Variants in C20orf96 observed in about 807,000 individuals in gnomAD.
The protein encoded by C20orf96 is chromosome 20 open reading frame 96, also known as uncharacterized protein C20orf96.
C20orf96 carries 57 observed loss-of-function variants against 52.6 expected under a neutral mutation model. That is an observed-to-expected ratio of 1.08 (90% CI 0.88 to 1.35). C20orf96 has a LOEUF of 1.35. Ranked by LOEUF, C20orf96 falls within the 40% of genes most tolerant of loss-of-function variation. C20orf96 has a pLI of 0.00. For missense variants in C20orf96, 478 were observed against 443.6 expected, an observed-to-expected ratio of 1.08 and a Z score of -0.70; for synonymous variants, 168 against 157.2, an observed-to-expected ratio of 1.07 and a Z score of -0.51.
chr20:285,497 GTTGTA>G lies in C20orf96; in HGVS notation c.188-1421_188-1417del, dbSNP rs576143034. Among the ~76,000 whole-genome samples the G allele has an allele frequency of 2.1e-3, 317 of 152,310 alleles. 2 individuals are homozygous for G. The highest frequency in any genetic ancestry group is 7.1e-3 in the African/African-American group (294 of 41,562). On this transcript the variant is annotated intron_variant, in intron 3 of 10. Coordinates refer to ENST00000360321, the MANE Select transcript of C20orf96 (RefSeq NM_153269.3). Reference sequence around the variant, plus strand: ...ATTACCTGTATATATCCGGTTTTTAGTTGTATTGTATAAGAGATAGAATGATTAAT... The same window carrying G: ...ATTACCTGTATATATCCGGTTTTTAGTTGTATAAGAGATAGAATGATTAAT...
rs189624502 is a variant in C20orf96, at chr20:286,909, C to A, written c.187+2650G>T. ...CAGAAGGTTATATAAATGGAATCAT[C>A]CAGTATGTAACTGTGGGGATTGGCT... On this transcript the variant is annotated intron_variant, in intron 3 of 10. Transcript: ENST00000360321. 3.2e-4 allele frequency among the ~76,000 whole-genome samples: 49 copies of A among 152,330 alleles called. No individual in the cohort carries two copies. The East Asian group carries it at 7.5e-3, about 23-fold the overall frequency.
intron 3 of C20orf96, 101 bp downstream of exon 3, chr20:289,458 C>G (rs1439299208): frequency 1.3e-6 from 1 of 746,772 alleles, no homozygotes; most frequent in Non-Finnish European, 2.4e-6. Flanking sequence ...TTTATTACAT[C>G]AGTTAGCCTA....
chr20:274,031 A>G (rs1420262603), intron 10 of C20orf96, among the ~76,000 whole-genome samples: 3 of 151,434 alleles, frequency 2.0e-5, no homozygotes, highest in Admixed American at 6.6e-5. Flanking sequence ...GAAAGGAAGG[A>G]ATGAAGGAAG....
chr20:276,339 G>T lies in C20orf96; in HGVS notation c.913-253C>A, dbSNP rs1340392776. On this transcript the variant is annotated intron_variant, in intron 9 of 10. Transcript: ENST00000360321. ...TGGAGACAGGTTACAAAGTGGCGGG[G>T]AATGCTCAATCATGGGAATGAATGG... 6.1e-6 allele frequency: 6 copies of T among 985,268 alleles called. No individual in the cohort carries two copies. The South Asian group carries it at 2.3e-4, about 39-fold the overall frequency. The allele number at this position is 985,268 out of a possible 1,614,324, so 61.0% of individuals were successfully genotyped here. A position where few individuals can be genotyped will look rare whatever the true frequency, so the allele number is the denominator to read the frequency against.
At position 289,603 on chromosome 20, in the gene C20orf96, C is replaced by T; in HGVS notation, c.143G>A (p.Ser48Asn). Residue 48 changes from serine (S) to asparagine (N), a missense_variant, in exon 3 of 11, where the codon AGC becomes AAC. Coordinates refer to ENST00000360321, the MANE Select transcript of C20orf96 (RefSeq NM_153269.3). ...AGTCTTCATTTTGCTTGTATGAAGG[C>T]TGTTGGCTTGTTGGACTGGAGGCAG... ...STLPPVQQAN[S>N]LHTSKMKTLT... 1 of 1,614,088 alleles carries T rather than the reference C, an allele frequency of 6.2e-7. No homozygotes were observed.
Position 277,117 on chromosome 20 carries a change from C to G in C20orf96, c.752G>C (p.Arg251Pro). ...AGACAAGGATTCCAGGACCTTTCTG[C>G]GCATCTCACCGAGGTCATCCAGCTC... ...QDELDDLGEMRRKVLESLSDK... is the reference protein window; with the variant it reads ...QDELDDLGEMPRKVLESLSDK... Residue 251 changes from arginine to proline, a missense_variant, in exon 8 of 11, where the codon CGC becomes CCC. By Grantham distance (103) the Arg-to-Pro change is moderately radical. Coordinates refer to ENST00000360321, the MANE Select transcript of C20orf96 (RefSeq NM_153269.3). The G allele has an allele frequency of 1.2e-6, 2 of 1,613,856 alleles. No homozygotes were observed. Among genetic ancestry groups the G allele is most frequent in the Non-Finnish European group, 1.7e-6 (2 of 1,179,890 alleles).
chr20:282,807 G>C (rs566296134), intron 4 of C20orf96, among the ~76,000 whole-genome samples: 2 of 152,280 alleles, frequency 1.3e-5, no homozygotes, highest in South Asian at 4.1e-4. Context: ...GGGAGGTGGA[G>C]GTTGCAGTGA....
intron 3 of C20orf96, among the ~76,000 whole-genome samples, chr20:287,361 A>C (rs752431180): frequency 2.0e-4 from 30 of 152,092 alleles, no homozygotes; most frequent in Non-Finnish European, 3.8e-4. Flanking sequence ...AGCCATTTCG[A>C]TAGGTGTGCA....
chr20:273,876 C>CAAGAA (rs200895545), intron 10 of C20orf96, among the ~76,000 whole-genome samples: 4,082 of 83,306 alleles, frequency 0.049, 188 homozygotes, highest in African/African-American at 0.15. Flanking sequence ...GACTCTGTCT[C>CAAGAA]AAGAAGAAGG....
Position 284,586 on chromosome 20 carries a change from C to A in C20orf96, c.188-505G>T, listed in dbSNP as rs575684471. On this transcript the variant is annotated intron_variant, in intron 3 of 10. Transcript: ENST00000360321. ...AATCCAGGCTCTTGGCCAGGCATGGCGGCTCACGCCTGTAATCTCAACACT... is the reference window on the plus strand; with the variant it reads ...AATCCAGGCTCTTGGCCAGGCATGGAGGCTCACGCCTGTAATCTCAACACT... 3.3e-5 allele frequency among the ~76,000 whole-genome samples: 5 copies of A among 152,344 alleles called. No homozygotes were observed. The South Asian group carries it at 1.0e-3, about 32-fold the overall frequency.
intron 4 of C20orf96, 76 bp from the exon 5 acceptor site, chr20:279,406 C>A: frequency 6.9e-7 from 1 of 1,445,830 alleles, no homozygotes. Context: ...CGTGGACCCG[C>A]CGCCCCGGCC....
chr20:275,782 G>T (rs988911568), intron 10 of C20orf96, among the ~76,000 whole-genome samples, 186 bp downstream of exon 10: 4 of 152,160 alleles, frequency 2.6e-5, no homozygotes, highest in African/African-American at 9.7e-5. Flanking sequence ...GGAGGCCTTT[G>T]CAGAGATGGG....
intron 1 of C20orf96, 98 bp downstream of exon 1, chr20:290,493 G>GT (rs2012514234): frequency 6.7e-7 from 1 of 1,495,750 alleles, no homozygotes; most frequent in Non-Finnish European, 8.8e-7. Flanking sequence ...GAAGACCGAG[G>GT]GCGACCTCGA....
chr20:287,864 G>A (rs1028609541), intron 3 of C20orf96, among the ~76,000 whole-genome samples: 1 of 129,106 alleles, frequency 7.7e-6, no homozygotes. Flanking sequence ...AGCTGAGATC[G>A]CACCACTGCA....
intron 4 of C20orf96, among the ~76,000 whole-genome samples, chr20:281,248 G>A (rs2012247441): frequency 1.3e-5 from 2 of 152,216 alleles, no homozygotes; most frequent in Admixed American, 1.3e-4. Context: ...TAGCTACTTG[G>A]GAGGCTGAGG....
intron 9 of C20orf96, chr20:276,391 A>G (rs3827153): frequency 0.62 from 614,945 of 984,734 alleles, 194,100 homozygotes; most frequent in African/African-American, 0.86. Context: ...TGAAGGGCAT[A>G]CACATTAAAA....
At chr20:287,795 G>A (rs2012423791) in intron 3 of C20orf96, among the ~76,000 whole-genome samples, 1 of 151,628 alleles carries the variant, frequency 6.6e-6, no homozygotes, top group Non-Finnish European at 1.5e-5. Flanking sequence ...TTCAGTCCCA[G>A]CTACTCGGGA....
intron 9 of C20orf96, chr20:276,469 G>C (rs539405964): frequency 2.0e-6 from 2 of 985,342 alleles, no homozygotes; most frequent in Admixed American, 1.2e-4. Flanking sequence ...CATTAACACT[G>C]ATAATGGGTG....
rs1307242645 is a variant in C20orf96, at chr20:279,158, G to A, written c.465+14C>T. 2.5e-6 allele frequency: 4 copies of A among 1,575,126 alleles called. No individual in the cohort carries two copies. In the South Asian group the frequency reaches 4.5e-5, roughly 18 times the overall value. On this transcript the variant is annotated intron_variant, in intron 5 of 10. Coordinates refer to ENST00000360321, the MANE Select transcript of C20orf96 (RefSeq NM_153269.3). ...ACGGAGGGACGGAGGGCGGGCGGAT[G>A]CCGCGGGTCTCACCGCCAGGGTGTC...
Sources: gnomAD v4.1 joint callset for allele counts (sites outside exome capture counted in the v4.1 genomes callset) on GRCh38, gnomAD v4.1.1 for gene constraint, MANE v1.5 for transcripts, NCBI Gene and HGNC (gene_info 2026-07-23, HGNC 2026-07-21) for gene names.